Variants in KCND2 observed in about 807,000 individuals in gnomAD.
KCND2 encodes the protein potassium voltage-gated channel subfamily D member 2, also known as A-type voltage-gated potassium channel KCND2.
A neutral mutation model predicts 54.4 loss-of-function variants in KCND2; 16 were observed. The observed-to-expected ratio is 0.29, with a 90% CI of 0.20 to 0.45. KCND2 has a LOEUF of 0.45. KCND2 is among the 20% of genes least tolerant of loss of function. The probability of loss-of-function intolerance (pLI) is 1.00; values close to 1 mark genes in which losing one functional copy is unlikely to be tolerated. For synonymous variants in KCND2, 317 were observed against 310.7 expected, an observed-to-expected ratio of 1.02 and a Z score of -0.21; for missense variants, 486 against 824.2, an observed-to-expected ratio of 0.59 and a Z score of 5.02.
At chr7:120,541,470 C>T (rs2116381179) in intron 1 of KCND2, among the ~76,000 whole-genome samples, 1 of 152,122 alleles carries the variant, frequency 6.6e-6, no homozygotes, top group East Asian at 1.9e-4. Flanking sequence ...TATGCAAATA[C>T]CCACACTAAA....
Position 120,748,093 on chromosome 7 carries a change from G to T in KCND2, c.*235G>T. ...TCTGTGGCCCTTTGACTTTGTGAAT[G>T]AGCACAATGAAATGCCGCCTACTGA... On this transcript the variant is annotated 3_prime_UTR_variant, in exon 6 of 6. Coordinates refer to ENST00000331113, the MANE Select transcript of KCND2 (RefSeq NM_012281.3). 1 of 367,642 alleles carries T rather than the reference G, an allele frequency of 2.7e-6. No homozygotes were observed. The highest frequency in any genetic ancestry group is 4.9e-6 in the Non-Finnish European group (1 of 202,322). The allele number at this position is 367,642 out of a possible 1,614,324, so 22.8% of individuals were successfully genotyped here. A position where few individuals can be genotyped will look rare whatever the true frequency, so the allele number is the denominator to read the frequency against.
At chr7:120,603,561 A>T (rs914116935) in intron 1 of KCND2, among the ~76,000 whole-genome samples, 4 of 152,184 alleles carry the variant, frequency 2.6e-5, no homozygotes, top group African/African-American at 9.7e-5. Flanking sequence ...GAGAAGTAGC[A>T]TAGGGCAGTA....
At chr7:120,314,457 T>G (rs1249617465) in intron 1 of KCND2, among the ~76,000 whole-genome samples, 1 of 152,032 alleles carries the variant, frequency 6.6e-6, no homozygotes, top group Non-Finnish European at 1.5e-5. Context: ...GTATGGACAG[T>G]GTGGGAGAAT....
intron 1 of KCND2, among the ~76,000 whole-genome samples, chr7:120,311,329 T>C (rs1381470253): frequency 6.6e-6 from 1 of 152,184 alleles, no homozygotes; most frequent in Non-Finnish European, 1.5e-5. Flanking sequence ...GCCTTTGTTA[T>C]AAAAATCAGA....
chr7:120,531,261 C>T (rs929971173), intron 1 of KCND2, among the ~76,000 whole-genome samples: 1 of 152,052 alleles, frequency 6.6e-6, no homozygotes, highest in Non-Finnish European at 1.5e-5. Context: ...ATTTTTATAT[C>T]CCTTTAAAAA....
intron 1 of KCND2, among the ~76,000 whole-genome samples, chr7:120,712,717 C>G (rs540287037): frequency 6.6e-6 from 1 of 151,942 alleles, no homozygotes; most frequent in African/African-American, 2.4e-5. Context: ...TAGAAGGAAA[C>G]GAAAAGAAAT....
chr7:120,379,805 A>G (rs572667941), intron 1 of KCND2, among the ~76,000 whole-genome samples: 1 of 152,174 alleles, frequency 6.6e-6, no homozygotes, highest in South Asian at 2.1e-4. Flanking sequence ...ACTCCTGTCT[A>G]GATAGTGGAA....
intron 1 of KCND2, among the ~76,000 whole-genome samples, chr7:120,386,916 C>T (rs939741101): frequency 2.0e-5 from 3 of 152,124 alleles, no homozygotes; most frequent in Admixed American, 6.6e-5. Context: ...TCTGTCCTCA[C>T]CAACTTCAGT....
chr7:120,670,583 C>A (rs1033584338), intron 1 of KCND2, among the ~76,000 whole-genome samples: 10 of 152,078 alleles, frequency 6.6e-5, no homozygotes, highest in African/African-American at 2.4e-4. Context: ...TAAAACCATG[C>A]CCCACCTCCC....
intron 1 of KCND2, among the ~76,000 whole-genome samples, chr7:120,400,661 A>G (rs1276516379): frequency 6.6e-6 from 1 of 152,146 alleles, no homozygotes; most frequent in East Asian, 1.9e-4. Flanking sequence ...ACAATCCTCA[A>G]ACTTTAATGT....
At chr7:120,487,194 G>C (rs1203600218) in intron 1 of KCND2, among the ~76,000 whole-genome samples, 1 of 151,988 alleles carries the variant, frequency 6.6e-6, no homozygotes, top group African/African-American at 2.4e-5. Flanking sequence ...TAGATCTACT[G>C]CTCTTACTAG....
rs1365030348 is a variant in KCND2 at position 120,727,069 on chromosome 7, A to G, written c.1116-5834A>G. On this transcript the variant is annotated intron_variant, in intron 1 of 5. Transcript: ENST00000331113. ...AGAGATGGAAAGTCACGCATTAGCT[A>G]GGGAGATTTGCCTCATATAACATTT... Among the ~76,000 whole-genome samples, 4 of 152,186 alleles carry G rather than the reference A, an allele frequency of 2.6e-5. No individual in the cohort carries two copies. The East Asian group carries it at 7.7e-4, about 29-fold the overall frequency.
intron 1 of KCND2, among the ~76,000 whole-genome samples, chr7:120,362,630 G>A (rs569776374): frequency 2.0e-5 from 3 of 152,114 alleles, no homozygotes; most frequent in African/African-American, 7.2e-5. Context: ...CTCGAGCTCT[G>A]TAATAACTAG....
At chr7:120,516,355 T>A (rs1334947532) in intron 1 of KCND2, among the ~76,000 whole-genome samples, 1 of 152,166 alleles carries the variant, frequency 6.6e-6, no homozygotes, top group Non-Finnish European at 1.5e-5. Context: ...TCTGTCCATA[T>A]AATTACATGT....
At chr7:120,484,179 C>T (rs1802656126) in intron 1 of KCND2, among the ~76,000 whole-genome samples, 1 of 152,058 alleles carries the variant, frequency 6.6e-6, no homozygotes, top group African/African-American at 2.4e-5. Flanking sequence ...GGGCAGGACT[C>T]GTGAGGGTAC....
At chr7:120,540,498 C>T (rs1201666536) in intron 1 of KCND2, among the ~76,000 whole-genome samples, 1 of 152,152 alleles carries the variant, frequency 6.6e-6, no homozygotes, top group Non-Finnish European at 1.5e-5. Flanking sequence ...CTAGCTTTGA[C>T]TATGTTTTTA....
At chr7:120,710,006 A>G (rs1318603997) in intron 1 of KCND2, among the ~76,000 whole-genome samples, 1 of 152,180 alleles carries the variant, frequency 6.6e-6, no homozygotes, top group African/African-American at 2.4e-5. Context: ...GCAACAGCAG[A>G]CCATTAAACC....
chr7:120,621,669 G>A (rs1005013041), intron 1 of KCND2, among the ~76,000 whole-genome samples: 42 of 152,206 alleles, frequency 2.8e-4, no homozygotes, highest in African/African-American at 9.9e-4. Context: ...AAATGAAGTA[G>A]GTAAACTTTG....
chr7:120,512,270 G>A (rs376439097), intron 1 of KCND2, among the ~76,000 whole-genome samples: 2 of 151,802 alleles, frequency 1.3e-5, no homozygotes, highest in African/African-American at 4.8e-5. Flanking sequence ...ATTAAGAACT[G>A]GTAGAATTAT....
Sources: gnomAD v4.1 joint callset for allele counts (sites outside exome capture counted in the v4.1 genomes callset) on GRCh38, gnomAD v4.1.1 for gene constraint, MANE v1.5 for transcripts, NCBI Gene and HGNC (gene_info 2026-07-23, HGNC 2026-07-21) for gene names.